Variants in RBP7 observed in about 807,000 individuals in gnomAD.
RBP7 encodes the protein retinoid-binding protein 7.
In RBP7, 13 loss-of-function variants were observed where a neutral mutation model predicts 16.7. That is an observed-to-expected ratio of 0.78 (90% confidence interval 0.51 to 1.24). The LOEUF is 1.24. Among genes scored for constraint, RBP7 ranks in the 50% most tolerant of loss-of-function variants. The probability of loss-of-function intolerance (pLI) is 0.00; values close to 1 mark genes in which losing one functional copy is unlikely to be tolerated. For synonymous variants in RBP7, 54 were observed against 56.2 expected, an observed-to-expected ratio of 0.96 and a Z score of 0.17; for missense variants, 145 against 159.5, an observed-to-expected ratio of 0.91 and a Z score of 0.49.
intron 1 of RBP7, among the ~76,000 whole-genome samples, chr1:10,005,081 A>T (rs1322948765): frequency 4.6e-5 from 7 of 152,156 alleles, no homozygotes; most frequent in Non-Finnish European, 1.5e-5. Context: ...TAAAGCCTGG[A>T]TCATATTGCA....
intron 1 of RBP7, among the ~76,000 whole-genome samples, chr1:10,005,834 AT>A: frequency 6.6e-6 from 1 of 152,112 alleles, no homozygotes; most frequent in South Asian, 2.1e-4. Flanking sequence ...AAGTGCTGGG[AT>A]TACAGGCATG....
chr1:10,005,909 C>T lies in RBP7; in HGVS notation c.74-1661C>T, dbSNP rs1248270778. 5.3e-4 allele frequency among the ~76,000 whole-genome samples: 80 copies of T among 152,170 alleles called. 1 individual carries two copies. Among genetic ancestry groups the T allele is most frequent in the Non-Finnish European group, 7.4e-5 (5 of 68,018 alleles). ...TCCTCTCCTTCCTCCTCCCTCTCCC[C>T]GATTCTGCGGCAGATACACTAGGCT... is the stretch of plus-strand genomic sequence containing the variant. On this transcript the variant is annotated intron_variant, in intron 1 of 3. Transcript: ENST00000294435.
In RBP7 at chr1:10,007,665, A is replaced by G. The variant is rs765300905; in HGVS notation, c.169A>G (p.Ser57Gly). Reference protein sequence around the residue: ...GDSFTIHTNSSLRNYFVKFKV... With the variant: ...GDSFTIHTNSGLRNYFVKFKV... ...TTCTTTTACCATCCACACGAACAGC[A>G]GCCTAAGGAACTACTTTGTGAAATT... Residue 57 changes from serine (S) to glycine (G), a missense_variant, in exon 2 of 4, where the codon AGC (serine) becomes GGC (glycine). By Grantham distance (56) the Ser-to-Gly change is moderately conservative. Coordinates refer to ENST00000294435, the MANE Select transcript of RBP7 (RefSeq NM_052960.3). 9 of 1,614,012 alleles carry G rather than the reference A, an allele frequency of 5.6e-6. No homozygotes were observed. The Middle Eastern group carries it at 4.9e-4, about 89-fold the overall frequency.
At chr1:10,012,177 C>T (rs974828039) in intron 3 of RBP7, among the ~76,000 whole-genome samples, 1 of 148,078 alleles carries the variant, frequency 6.8e-6, no homozygotes, top group African/African-American at 2.5e-5. Context: ...CACCATTGCA[C>T]TCCAGCCTGG....
At chr1:9,998,460 T>G (rs1642213273) in intron 1 of RBP7, among the ~76,000 whole-genome samples, 1 of 141,540 alleles carries the variant, frequency 7.1e-6, no homozygotes, top group African/African-American at 2.7e-5. Flanking sequence ...CAGGCTGGAG[T>G]GCAGTAGTAC....
intron 3 of RBP7, among the ~76,000 whole-genome samples, chr1:10,011,619 A>G (rs992160096): frequency 6.6e-6 from 1 of 152,302 alleles, no homozygotes; most frequent in South Asian, 2.1e-4. Flanking sequence ...GCCTCACTGT[A>G]TGTGTGAAAT....
intron 1 of RBP7, chr1:10,004,019 G>T (rs920611669): frequency 6.8e-6 from 1 of 147,236 alleles, no homozygotes; most frequent in Non-Finnish European, 1.5e-5. Flanking sequence ...GCCTCCCAAA[G>T]TGTTAGGATT....
chr1:10,008,478 G>T (rs1358958142), intron 3 of RBP7, among the ~76,000 whole-genome samples: 3 of 144,024 alleles, frequency 2.1e-5, no homozygotes, highest in African/African-American at 7.9e-5. Context: ...GTATCGCTGT[G>T]TCACCAGGCT....
At chr1:10,004,864 A>G (rs574489074) in intron 1 of RBP7, among the ~76,000 whole-genome samples, 1 of 152,132 alleles carries the variant, frequency 6.6e-6, no homozygotes, top group Non-Finnish European at 1.5e-5. Context: ...GTGGTGGCAC[A>G]TGCCTGTAGC....
chr1:10,007,464 C>T, intron 1 of RBP7, 106 bp from the exon 2 acceptor site: 1 of 837,864 alleles, frequency 1.2e-6, no homozygotes, highest in Non-Finnish European at 1.8e-6. Flanking sequence ...AGAAGTCGTA[C>T]AGGAAATGCT....
chr1:10,010,111 CTGTTT>C (rs1222108941), intron 3 of RBP7, among the ~76,000 whole-genome samples: 2 of 151,892 alleles, frequency 1.3e-5, no homozygotes, highest in Admixed American at 6.6e-5. Context: ...ATTTTACAGC[CTGTTT>C]TGTTTTGTTT....
chr1:10,001,857 CT>C (rs1181796646), intron 1 of RBP7, among the ~76,000 whole-genome samples: 3 of 144,358 alleles, frequency 2.1e-5, no homozygotes, highest in Non-Finnish European at 3.0e-5. Context: ...GAGACAGAGT[CT>C]CCCTTTGTTG....
rs1266753439 is a variant in RBP7 at position 9,997,434 on chromosome 1, C to T, written c.73+103C>T. ...CTGTAGGTACGTCCTCTGTCCGTGC[C>T]TCCGCCCTGCTGCGCCCACCGTCGC... On this transcript the variant is annotated intron_variant, in intron 1 of 3. Coordinates refer to ENST00000294435, the MANE Select transcript of RBP7 (RefSeq NM_052960.3). The surrounding 1 kb of genome is among the most constrained non-coding windows in gnomAD (Gnocchi z 5.9). The T allele has an allele frequency of 2.7e-6, 3 of 1,106,094 alleles. No individual in the cohort carries two copies. The highest frequency in any genetic ancestry group is 3.2e-5 in the African/African-American group (2 of 61,836). The allele number at this position is 1,106,094 out of a possible 1,614,324, so 68.5% of individuals were successfully genotyped here.
At chr1:10,006,933 C>A in intron 1 of RBP7, 1 of 438,748 alleles carries the variant, frequency 2.3e-6, no homozygotes, top group Non-Finnish European at 4.5e-6. Context: ...TAAGCCCTGT[C>A]CCTTTGGTTT....
At chr1:10,009,128 C>T (rs918731376) in intron 3 of RBP7, among the ~76,000 whole-genome samples, 27 of 152,064 alleles carry the variant, frequency 1.8e-4, no homozygotes, top group African/African-American at 6.5e-4. Flanking sequence ...AGGGTTTATT[C>T]AGACTGGGCG....
At chr1:10,010,614 C>T (rs1242210442) in intron 3 of RBP7, among the ~76,000 whole-genome samples, 5 of 140,420 alleles carry the variant, frequency 3.6e-5, no homozygotes, top group African/African-American at 8.0e-5. Context: ...GACGGAGTTT[C>T]GCTCTTGTTG....
chr1:10,004,824 A>G (rs1216884588), intron 1 of RBP7, among the ~76,000 whole-genome samples: 2 of 152,114 alleles, frequency 1.3e-5, no homozygotes, highest in Non-Finnish European at 2.9e-5. Context: ...CTTCATCTCT[A>G]CCAAAGAAAA....
chr1:10,013,723 T>A (rs1372080910), intron 3 of RBP7, among the ~76,000 whole-genome samples: 1 of 151,834 alleles, frequency 6.6e-6, no homozygotes, highest in East Asian at 1.9e-4. Context: ...GGCAGGATAA[T>A]CACTTGAACC....
At chr1:10,008,935 T>C (rs548227603) in intron 3 of RBP7, among the ~76,000 whole-genome samples, 78 of 152,154 alleles carry the variant, frequency 5.1e-4, no homozygotes, top group Non-Finnish European at 9.4e-4. Context: ...TAGATAGATA[T>C]AGTAGCTCAC....
Sources: gnomAD v4.1 joint callset for allele counts (sites outside exome capture counted in the v4.1 genomes callset) on GRCh38, gnomAD v4.1.1 for gene constraint, Gnocchi (gnomAD v3.1) non-coding constraint, MANE v1.5 for transcripts, NCBI Gene and HGNC (gene_info 2026-07-23, HGNC 2026-07-21) for gene names.